Variants in SLC9A9 observed in about 807,000 individuals in gnomAD.
SLC9A9 encodes solute carrier family 9 member A9.
SLC9A9 carries 62 observed loss-of-function variants against 77.8 expected under a neutral mutation model. The ratio of observed to expected loss-of-function variants is 0.80; its 90% confidence interval spans 0.65 to 0.98. The LOEUF (loss-of-function observed/expected upper bound fraction) is 0.98. Ranked by LOEUF, SLC9A9 falls within the 50% of genes least tolerant of loss-of-function variation. The pLI is 0.00. For synonymous variants in SLC9A9, 320 were observed against 283.5 expected, an observed-to-expected ratio of 1.13 and a Z score of -1.29; for missense variants, 775 against 774.9, an observed-to-expected ratio of 1.00 and a Z score of 0.00.
At chr3:143,588,702 T>G (rs189839410) in intron 6 of SLC9A9, among the ~76,000 whole-genome samples, 4 of 152,242 alleles carry the variant, frequency 2.6e-5, no homozygotes, top group Non-Finnish European at 4.4e-5. Context: ...TACCTAATAT[T>G]GAGAGGAAAG....
chr3:143,709,049 G>T (rs6440185), intron 4 of SLC9A9, among the ~76,000 whole-genome samples: 90,080 of 152,006 alleles, frequency 0.59, 26,939 homozygotes, highest in Non-Finnish European at 0.61. Flanking sequence ...GGAACACAGG[G>T]AGTCACTACT....
chr3:143,292,687 A>G (rs1247313907), intron 14 of SLC9A9, among the ~76,000 whole-genome samples: 1 of 152,174 alleles, frequency 6.6e-6, no homozygotes. Flanking sequence ...CCTCATTTCC[A>G]TAATGCTATG....
chr3:143,365,710 C>A (rs1298792044), intron 13 of SLC9A9, among the ~76,000 whole-genome samples: 1 of 152,188 alleles, frequency 6.6e-6, no homozygotes, highest in Non-Finnish European at 1.5e-5. Context: ...CTATCCTTCC[C>A]TATACCTTTC....
At chr3:143,662,868 G>T (rs1196860823) in intron 5 of SLC9A9, among the ~76,000 whole-genome samples, 6 of 152,124 alleles carry the variant, frequency 3.9e-5, no homozygotes, top group African/African-American at 9.7e-5. Flanking sequence ...CTCCACCTCT[G>T]GGGGCAGGGC....
At chr3:143,655,743 A>G (rs1260031147) in intron 5 of SLC9A9, 1 of 703,240 alleles carries the variant, frequency 1.4e-6, no homozygotes, top group Non-Finnish European at 1.7e-6. Flanking sequence ...TAAGCATAAT[A>G]GAGGAATGTG....
intron 12 of SLC9A9, among the ~76,000 whole-genome samples, chr3:143,386,960 C>T (rs1246448956): frequency 6.6e-6 from 1 of 152,176 alleles, no homozygotes; most frequent in Non-Finnish European, 1.5e-5. Context: ...TTTGCCTTAG[C>T]CCCCTGAGTA....
chr3:143,328,307 ACTG>A (rs533114466), intron 14 of SLC9A9, among the ~76,000 whole-genome samples: 217 of 152,360 alleles, frequency 1.4e-3, no homozygotes, highest in African/African-American at 5.1e-3. Context: ...TAAATCTAGA[ACTG>A]CTCCAAAATG....
chr3:143,661,745 G>A (rs1371370973), intron 5 of SLC9A9, among the ~76,000 whole-genome samples: 3 of 151,968 alleles, frequency 2.0e-5, no homozygotes, highest in Admixed American at 6.5e-5. Context: ...GGCTGGTCTC[G>A]AACTCCTGAC....
chr3:143,638,097 C>T (rs2038556700), intron 6 of SLC9A9, among the ~76,000 whole-genome samples: 1 of 151,998 alleles, frequency 6.6e-6, no homozygotes, highest in Non-Finnish European at 1.5e-5. Flanking sequence ...TTAACTCTGC[C>T]AAGAAGTTTT....
intron 14 of SLC9A9, among the ~76,000 whole-genome samples, chr3:143,286,632 A>G (rs574141619): frequency 1.3e-3 from 193 of 152,184 alleles, no homozygotes; most frequent in African/African-American, 4.4e-3. Flanking sequence ...TAAAGCTGCC[A>G]TTGTTTTGTG....
chr3:143,631,911 C>A (rs2038432439), intron 6 of SLC9A9, among the ~76,000 whole-genome samples: 1 of 152,122 alleles, frequency 6.6e-6, no homozygotes, highest in South Asian at 2.1e-4. Context: ...CTGCTCCTGA[C>A]TATGATTCCC....
At chr3:143,463,077 A>C (rs960640507) in intron 12 of SLC9A9, among the ~76,000 whole-genome samples, 1 of 152,210 alleles carries the variant, frequency 6.6e-6, no homozygotes, top group African/African-American at 2.4e-5. Flanking sequence ...CACTCAATAC[A>C]AGTCAGTTAT....
intron 4 of SLC9A9, among the ~76,000 whole-genome samples, chr3:143,729,290 C>G (rs1934742768): frequency 1.3e-5 from 2 of 152,094 alleles, no homozygotes; most frequent in South Asian, 4.1e-4. Flanking sequence ...AATCCAGACT[C>G]TTCTACATTT....
chr3:143,367,530 G>A (rs970338162), intron 13 of SLC9A9, among the ~76,000 whole-genome samples: 1 of 152,222 alleles, frequency 6.6e-6, no homozygotes, highest in African/African-American at 2.4e-5. Flanking sequence ...TAAATGAGTA[G>A]AAATAAATGA....
chr3:143,792,195 C>G (rs2008245734), intron 4 of SLC9A9, among the ~76,000 whole-genome samples: 1 of 152,134 alleles, frequency 6.6e-6, no homozygotes, highest in African/African-American at 2.4e-5. Context: ...ATCAAGCACT[C>G]CATAAATTGT....
intron 14 of SLC9A9, among the ~76,000 whole-genome samples, chr3:143,310,706 A>T (rs2030985407): frequency 6.6e-6 from 1 of 152,162 alleles, no homozygotes; most frequent in African/African-American, 2.4e-5. Context: ...GGACTAAGAA[A>T]ATATCCTGTG....
rs534894612 is a variant in SLC9A9, at chr3:143,529,173, A to G, written c.1089+23189T>C. Among the ~76,000 whole-genome samples the G allele has an allele frequency of 2.6e-5, 4 of 152,328 alleles. No individual in the cohort carries two copies. The East Asian group carries it at 7.7e-4, about 29-fold the overall frequency. On this transcript the variant is annotated intron_variant, in intron 9 of 15. Transcript: ENST00000316549. Reference sequence around the variant, plus strand: ...TCTCAAGCAAAAAATGCAGCAGCTAATTTCAGAGTGGGAAATGCCCCTCTG... The same window carrying G: ...TCTCAAGCAAAAAATGCAGCAGCTAGTTTCAGAGTGGGAAATGCCCCTCTG...
intron 11 of SLC9A9, among the ~76,000 whole-genome samples, chr3:143,479,684 A>T (rs1360386879): frequency 1.3e-5 from 2 of 152,174 alleles, no homozygotes; most frequent in Admixed American, 6.5e-5. Flanking sequence ...TTTTACAGGG[A>T]TGTCACTAAT....
At chr3:143,327,584 C>G (rs1366487021) in intron 14 of SLC9A9, among the ~76,000 whole-genome samples, 1 of 152,156 alleles carries the variant, frequency 6.6e-6, no homozygotes, top group Non-Finnish European at 1.5e-5. Flanking sequence ...TTCCTCTACC[C>G]ACTCCTACTC....
Sources: gnomAD v4.1 joint callset for allele counts (sites outside exome capture counted in the v4.1 genomes callset) on GRCh38, gnomAD v4.1.1 for gene constraint, MANE v1.5 for transcripts, NCBI Gene and HGNC (gene_info 2026-07-23, HGNC 2026-07-21) for gene names.